Variants in USH2A observed in about 807,000 individuals in gnomAD.
USH2A encodes usherin.
A neutral mutation model predicts 538.9 loss-of-function variants in USH2A; 443 were observed. That is an observed-to-expected ratio of 0.82 (90% CI 0.76 to 0.89). The LOEUF is 0.89. Ranked by LOEUF, USH2A falls within the 40% of genes least tolerant of loss-of-function variation. USH2A has a pLI of 0.00. For missense variants in USH2A, 6,633 were observed against 6,324.8 expected (o/e 1.05, Z -1.65); for synonymous variants, 2,413 against 2,273.5 (o/e 1.06, Z -1.75).
At chr1:216,316,094 C>G (rs1330405048) in intron 9 of USH2A, among the ~76,000 whole-genome samples, 1 of 151,774 alleles carries the variant, frequency 6.6e-6, no homozygotes, top group Non-Finnish European at 1.5e-5. Context: ...CTTAAAATTG[C>G]CAGTACAATA....
At chr1:216,170,065 T>A (rs1439680323) in intron 21 of USH2A, among the ~76,000 whole-genome samples, 1 of 152,176 alleles carries the variant, frequency 6.6e-6, no homozygotes, top group Non-Finnish European at 1.5e-5. Flanking sequence ...TACTAATTAG[T>A]CTATCTGAAG....
At chr1:215,797,704 G>GA (rs1571696222) in intron 50 of USH2A, among the ~76,000 whole-genome samples, 1 of 152,082 alleles carries the variant, frequency 6.6e-6, no homozygotes, top group East Asian at 1.9e-4. Flanking sequence ...CTACTGCTCA[G>GA]AAAAAAGATA....
intron 3 of USH2A, among the ~76,000 whole-genome samples, chr1:216,381,723 C>T (rs1571762517): frequency 6.6e-6 from 1 of 152,066 alleles, no homozygotes; most frequent in Admixed American, 6.5e-5. Context: ...ATTTCTTTTC[C>T]TTTTTCAGTT....
chr1:216,227,294 GA>G (rs1184263223), intron 14 of USH2A, among the ~76,000 whole-genome samples: 4 of 151,774 alleles, frequency 2.6e-5, no homozygotes, highest in Non-Finnish European at 5.9e-5. Flanking sequence ...AAATGAAGAA[GA>G]AAAAAAATCT....
chr1:216,082,939 A>G (rs1457225170), intron 26 of USH2A, among the ~76,000 whole-genome samples: 2 of 152,102 alleles, frequency 1.3e-5, no homozygotes, highest in Non-Finnish European at 2.9e-5. Flanking sequence ...ATAAAAATGC[A>G]TGTGAATAAC....
intron 67 of USH2A, among the ~76,000 whole-genome samples, chr1:215,644,780 T>C (rs996491346): frequency 5.3e-5 from 8 of 151,994 alleles, no homozygotes; most frequent in Admixed American, 1.3e-4. Flanking sequence ...AAAGAGTAAG[T>C]GGAAGAGAGG....
chr1:215,643,585 A>T (rs1397640727), intron 67 of USH2A, among the ~76,000 whole-genome samples: 1 of 151,588 alleles, frequency 6.6e-6, no homozygotes, highest in African/African-American at 2.4e-5. Context: ...GAGTGCAGTG[A>T]CATGATCACA....
At chr1:216,226,699 C>G (rs539973159) in intron 14 of USH2A, among the ~76,000 whole-genome samples, 25 of 152,290 alleles carry the variant, frequency 1.6e-4, no homozygotes, top group African/African-American at 5.8e-4. Context: ...GCTTATTAAC[C>G]TGTAGTCCAC....
At chr1:215,776,795 C>T (rs1318143320) in intron 55 of USH2A, among the ~76,000 whole-genome samples, 1 of 152,162 alleles carries the variant, frequency 6.6e-6, no homozygotes, top group Non-Finnish European at 1.5e-5. Context: ...TTCAGTACTA[C>T]ATTTGGTCAG....
intron 3 of USH2A, among the ~76,000 whole-genome samples, chr1:216,365,744 T>C (rs1179275748): frequency 6.6e-6 from 1 of 152,076 alleles, no homozygotes; most frequent in Non-Finnish European, 1.5e-5. Flanking sequence ...TTTGGTTTTA[T>C]GGGCCAAATG....
intron 11 of USH2A, among the ~76,000 whole-genome samples, chr1:216,288,597 A>G (rs1571664270): frequency 6.6e-6 from 1 of 152,164 alleles, no homozygotes; most frequent in Non-Finnish European, 1.5e-5. Flanking sequence ...AATTAATACA[A>G]TCATTGAATT....
At chr1:215,778,406 G>A (rs956560020) in intron 55 of USH2A, among the ~76,000 whole-genome samples, 1 of 152,110 alleles carries the variant, frequency 6.6e-6, no homozygotes, top group Non-Finnish European at 1.5e-5. Flanking sequence ...AATACAATGT[G>A]CCAGGCCAAG....
chr1:216,326,944 A>C (rs1382493242), intron 5 of USH2A, among the ~76,000 whole-genome samples: 2 of 152,186 alleles, frequency 1.3e-5, no homozygotes. Context: ...GTTCAAAGGC[A>C]TCCTAAGCAG....
At chr1:215,698,011 T>C (rs924994533) in intron 61 of USH2A, among the ~76,000 whole-genome samples, 1 of 152,182 alleles carries the variant, frequency 6.6e-6, no homozygotes, top group Non-Finnish European at 1.5e-5. Flanking sequence ...CAGTGTGTGA[T>C]GTTCCCCTCC....
chr1:216,131,584 AATGATCAAC>A (rs2033377693), intron 21 of USH2A, among the ~76,000 whole-genome samples: 1 of 152,068 alleles, frequency 6.6e-6, no homozygotes, highest in Non-Finnish European at 1.5e-5. Flanking sequence ...TTTCTCACAA[AATGATCAAC>A]ATGATCAGTA....
intron 49 of USH2A, among the ~76,000 whole-genome samples, chr1:215,803,342 T>C (rs1303555878): frequency 6.6e-6 from 1 of 152,128 alleles, no homozygotes; most frequent in Non-Finnish European, 1.5e-5. Context: ...GAAGTCAAAT[T>C]GTCCCTGTTT....
intron 13 of USH2A, among the ~76,000 whole-genome samples, chr1:216,234,203 G>A (rs1040124318): frequency 8.6e-5 from 13 of 152,046 alleles, no homozygotes; most frequent in African/African-American, 3.1e-4. Context: ...TTTTCTTATA[G>A]TTACCAACAA....
intron 21 of USH2A, among the ~76,000 whole-genome samples, chr1:216,149,477 C>T (rs982626360): frequency 5.9e-5 from 9 of 152,142 alleles, no homozygotes; most frequent in African/African-American, 2.2e-4. Context: ...AAAAGGCACA[C>T]CTCACCAAGC....
At chr1:216,147,852 G>T (rs1256246718) in intron 21 of USH2A, among the ~76,000 whole-genome samples, 2 of 151,514 alleles carry the variant, frequency 1.3e-5, no homozygotes, top group Middle Eastern at 3.4e-3. Flanking sequence ...CTGGGCCAAG[G>T]AATGCCCGCA....
Sources: allele counts gnomAD v4.1 joint callset (sites outside exome capture counted in the v4.1 genomes callset), GRCh38; gene constraint gnomAD v4.1.1; transcripts MANE v1.5; gene names NCBI Gene and HGNC (gene_info 2026-07-23, HGNC 2026-07-21).